Variants in H2BC12 observed in about 807,000 individuals in gnomAD.
H2BC12 encodes H2B clustered histone 12, also known as histone H2B type 1-K.
A neutral mutation model predicts 6.3 loss-of-function variants in H2BC12; 6 were observed. The ratio of observed to expected loss-of-function variants is 0.95; its 90% CI spans 0.52 to 1.87. H2BC12 has a LOEUF of 1.87. Among genes scored for constraint, H2BC12 ranks in the 40% most tolerant of loss-of-function variants. H2BC12 has a pLI of 0.01. For missense variants in H2BC12, 119 were observed against 178.4 expected (o/e 0.67, Z 1.90); for synonymous variants, 132 against 78.5 (o/e 1.68, Z -3.60).
the H2BC12 span, among the ~76,000 whole-genome samples, chr6:27,141,062 A>G: frequency 3.3e-5 from 5 of 151,882 alleles, no homozygotes; most frequent in African/African-American, 7.3e-5. Context: ...AAAAAAAAAA[A>G]CAAAAAACAT....
At chr6:27,139,280 G>C in the H2BC12 span, 31 of 1,566,330 alleles carry the variant, frequency 2.0e-5, no homozygotes, top group Admixed American at 5.7e-4. Flanking sequence ...ATCACAGGCA[G>C]CAGACCTTTG....
At chr6:27,144,546 G>A (rs1455929840), downstream of H2BC12, among the ~76,000 whole-genome samples, 1 of 147,096 alleles carries the variant, frequency 6.8e-6, no homozygotes, top group African/African-American at 2.5e-5. Flanking sequence ...GAGGGTGAAA[G>A]CAGGAGAAAG....
chr6:27,143,596 C>G (rs979918516), downstream of H2BC12, among the ~76,000 whole-genome samples: 2 of 150,702 alleles, frequency 1.3e-5, no homozygotes, highest in African/African-American at 2.4e-5. Flanking sequence ...CTCTTTACTT[C>G]CAACTTCTAG....
downstream of H2BC12, among the ~76,000 whole-genome samples, chr6:27,145,887 G>A (rs1054626158): frequency 1.3e-5 from 2 of 152,184 alleles, no homozygotes; most frequent in Non-Finnish European, 2.9e-5. Context: ...GAATCAGGGG[G>A]TGAGGGGGAA....
chr6:27,139,938 G>A, the H2BC12 span: 17 of 327,860 alleles, frequency 5.2e-5, no homozygotes, highest in South Asian at 5.1e-4. Context: ...CCAAATAGGG[G>A]CGGGCTAGAT....
chr6:27,140,215 G>A, the H2BC12 span, among the ~76,000 whole-genome samples: 1 of 152,122 alleles, frequency 6.6e-6, no homozygotes, highest in South Asian at 2.1e-4. Context: ...AAAATGCGCT[G>A]GTGACCACAC....
At chr6:27,139,711 G>A in the H2BC12 span, 8 of 1,488,398 alleles carry the variant, frequency 5.4e-6, no homozygotes, top group African/African-American at 8.4e-5. Flanking sequence ...TGCAAACTGA[G>A]TCTCTTAATA....
downstream of H2BC12, among the ~76,000 whole-genome samples, chr6:27,145,481 G>C (rs777703600): frequency 2.6e-5 from 4 of 152,054 alleles, no homozygotes; most frequent in Admixed American, 1.3e-4. Context: ...AGTCATTCTA[G>C]CCTCTAATCA....
chr6:27,142,806 T>A (rs1032597169), downstream of H2BC12, among the ~76,000 whole-genome samples: 1 of 151,486 alleles, frequency 6.6e-6, no homozygotes, highest in Non-Finnish European at 1.5e-5. Flanking sequence ...CCAACTAATT[T>A]TTGTATTTTT....
At chr6:27,138,506 T>C in the H2BC12 span, 1 of 152,238 alleles carries the variant, frequency 6.6e-6, no homozygotes, top group Non-Finnish European at 1.5e-5. Context: ...ATGATTCTCT[T>C]TGGAATCTGA....
downstream of H2BC12, among the ~76,000 whole-genome samples, chr6:27,144,633 CTG>C (rs1462116741): frequency 6.6e-6 from 1 of 151,368 alleles, no homozygotes; most frequent in Non-Finnish European, 1.5e-5. Flanking sequence ...GCAAAAAGGA[CTG>C]AAAGTAAATT....
At chr6:27,145,252 A>AG (rs1476784410), downstream of H2BC12, among the ~76,000 whole-genome samples, 2 of 151,752 alleles carry the variant, frequency 1.3e-5, no homozygotes, top group African/African-American at 4.8e-5. Context: ...AGGGCGGGCA[A>AG]TATCCCCAAA....
chr6:27,139,891 C>T, the H2BC12 span: 2 of 493,776 alleles, frequency 4.1e-6, no homozygotes, highest in African/African-American at 4.0e-5. Flanking sequence ...GCCGGTTTAC[C>T]GCTCGGATTA....
chr6:27,139,763 T>A, the H2BC12 span: 4 of 1,329,728 alleles, frequency 3.0e-6, no homozygotes, highest in African/African-American at 5.9e-5. Context: ...TTTACAAGAT[T>A]AACTCGACGC....
downstream of H2BC12, among the ~76,000 whole-genome samples, chr6:27,143,470 A>G (rs1562027137): frequency 6.6e-6 from 1 of 152,110 alleles, no homozygotes; most frequent in Non-Finnish European, 1.5e-5. Flanking sequence ...ATATATTACA[A>G]TTCATAGGCA....
downstream of H2BC12, among the ~76,000 whole-genome samples, chr6:27,144,994 A>G (rs1274655042): frequency 2.6e-5 from 4 of 152,076 alleles, no homozygotes; most frequent in African/African-American, 7.2e-5. Context: ...GGGGTTTCAC[A>G]CTATGTTAGC....
the H2BC12 span, chr6:27,139,565 A>G: frequency 6.2e-7 from 1 of 1,614,014 alleles, no homozygotes; most frequent in Non-Finnish European, 8.5e-7. Context: ...ACCGCCATGG[A>G]CGTGGTCTAC....
At chr6:27,142,616 C>A (rs1418785520), downstream of H2BC12, among the ~76,000 whole-genome samples, 2 of 143,954 alleles carry the variant, frequency 1.4e-5, no homozygotes, top group Admixed American at 7.0e-5. Context: ...ACATGTATGA[C>A]GTATTACATT....
rs370273004 is a variant in H2BC12, at chr6:27,146,697, G to A, written c.102C>T (p.Arg34=). 1.3e-5 allele frequency: 21 copies of A among 1,614,140 alleles called. No individual in the cohort carries two copies. Among genetic ancestry groups the A allele is most frequent in the African/African-American group, 4.0e-5 (3 of 74,948 alleles). Residue 34 remains arginine, a synonymous_variant, in exon 1 of 1, where the codon CGC becomes CGT. Coordinates refer to ENST00000356950, the MANE Select transcript of H2BC12 (RefSeq NM_001312653.2). ...ACACGTATACGGAGTAGCTCTCCTT[G>A]CGGCTGCGCTTGCGCTTCTTGCCGT... The part of the protein sequence containing the change: ...KKDGKKRKRS[R]KESYSVYVYK...
Sources: allele counts gnomAD v4.1 joint callset (sites outside exome capture counted in the v4.1 genomes callset), GRCh38; gene constraint gnomAD v4.1.1; transcripts MANE v1.5; gene names NCBI Gene and HGNC (gene_info 2026-07-23, HGNC 2026-07-21).